PDE7B: variants seen among roughly 807,000 people sequenced by gnomAD.
The protein encoded by PDE7B is 3',5'-cyclic-AMP phosphodiesterase 7B.
A neutral mutation model predicts 56.2 loss-of-function variants in PDE7B; 29 were observed. The observed-to-expected ratio is 0.52, with a 90% confidence interval of 0.38 to 0.70. PDE7B has a LOEUF of 0.70. Among genes scored for constraint, PDE7B ranks in the 30% least tolerant of loss-of-function variants. The pLI is 0.00. For missense variants in PDE7B, 490 were observed against 565.0 expected (o/e 0.87, Z 1.35); for synonymous variants, 197 against 196.9 (o/e 1.00, Z 0.00).
chr6:135,874,633 G>T (rs1424997633), intron 1 of PDE7B, among the ~76,000 whole-genome samples: 4 of 152,140 alleles, frequency 2.6e-5, no homozygotes, highest in African/African-American at 9.6e-5. Context: ...TTTGAGGTTT[G>T]CTTTGTAGCT....
At chr6:135,903,199 G>A (rs1478697622) in intron 1 of PDE7B, among the ~76,000 whole-genome samples, 3 of 152,230 alleles carry the variant, frequency 2.0e-5, no homozygotes, top group East Asian at 1.9e-4. Flanking sequence ...ACCTAAACTG[G>A]CCCAAACACT....
chr6:135,936,422 T>C (rs1432694531), intron 1 of PDE7B, among the ~76,000 whole-genome samples: 1 of 152,162 alleles, frequency 6.6e-6, no homozygotes, highest in Non-Finnish European at 1.5e-5. Context: ...GCCTAAAGCT[T>C]GGACACATCG....
intron 3 of PDE7B, among the ~76,000 whole-genome samples, chr6:136,129,216 T>C (rs1188689720): frequency 3.3e-5 from 5 of 152,170 alleles, no homozygotes; most frequent in African/African-American, 9.7e-5. Context: ...TCAGAAATAG[T>C]TTCTTATTCC....
intron 8 of PDE7B, among the ~76,000 whole-genome samples, chr6:136,157,118 ATAAT>A (rs1330748133): frequency 6.6e-6 from 1 of 152,226 alleles, no homozygotes; most frequent in Non-Finnish European, 1.5e-5. Flanking sequence ...AAATAAACAG[ATAAT>A]TAATAGAACT....
At chr6:136,167,715 C>T (rs1778817580) in intron 8 of PDE7B, among the ~76,000 whole-genome samples, 1 of 152,148 alleles carries the variant, frequency 6.6e-6, no homozygotes, top group Admixed American at 6.5e-5. Flanking sequence ...TATCACAGTG[C>T]CTAGAACATA....
intron 2 of PDE7B, among the ~76,000 whole-genome samples, chr6:135,965,768 T>C (rs1774987776): frequency 6.6e-6 from 1 of 151,982 alleles, no homozygotes; most frequent in African/African-American, 2.4e-5. Flanking sequence ...GAGATTTGAG[T>C]GAAGACACAG....
intron 2 of PDE7B, among the ~76,000 whole-genome samples, chr6:135,955,010 T>C (rs771493663): frequency 2.6e-5 from 4 of 152,084 alleles, no homozygotes; most frequent in Non-Finnish European, 5.9e-5. Flanking sequence ...GATAGAAGTG[T>C]CAGTCTTGTA....
At chr6:136,173,273 CA>C (rs1197236868) in intron 8 of PDE7B, among the ~76,000 whole-genome samples, 1 of 152,106 alleles carries the variant, frequency 6.6e-6, no homozygotes, top group Non-Finnish European at 1.5e-5. Flanking sequence ...CTACAGTAAC[CA>C]AAACAGCATG....
In PDE7B at chr6:136,125,050, T is replaced by C. The variant is rs566483246; in HGVS notation, c.166+16236T>C. 1.3e-4 allele frequency among the ~76,000 whole-genome samples: 20 copies of C among 152,350 alleles called. 2 individuals are homozygous for C. The South Asian group carries it at 3.1e-3, about 24-fold the overall frequency. ...TGTCTTTTCTAAACAAAGAAAATTA[T>C]AGGGTGTGACTAGATCATCCTTTAT... On this transcript the variant is annotated intron_variant, in intron 3 of 12. Transcript: ENST00000308191.
Position 135,962,143 on chromosome 6 carries a change from A to T in PDE7B, c.82+14619A>T, listed in dbSNP as rs139907329. ...TTCCTCTCAATTTTGCCCTAAAAAA[A>T]CCAAAGACTTAAAAGACTTAAAAAA... is the stretch of plus-strand genomic sequence containing the variant. On this transcript the variant is annotated intron_variant, in intron 2 of 12. Transcript: ENST00000308191. 1.6e-3 allele frequency among the ~76,000 whole-genome samples: 240 copies of T among 152,328 alleles called. 1 individual carries two copies. The East Asian group carries it at 0.028, about 17-fold the overall frequency.
intron 3 of PDE7B, among the ~76,000 whole-genome samples, chr6:136,142,816 C>G (rs1487756712): frequency 6.6e-6 from 1 of 151,028 alleles, no homozygotes; most frequent in Non-Finnish European, 1.5e-5. Flanking sequence ...AGATCTTCCT[C>G]CATCCCTTTA....
chr6:136,150,846 C>T (rs1369159916), intron 5 of PDE7B, among the ~76,000 whole-genome samples: 3 of 96,684 alleles, frequency 3.1e-5, no homozygotes, highest in African/African-American at 7.2e-5. Context: ...AAAAAATACA[C>T]ATATACACAT....
At chr6:136,100,139 G>A (rs567724482) in intron 2 of PDE7B, among the ~76,000 whole-genome samples, 8 of 152,164 alleles carry the variant, frequency 5.3e-5, no homozygotes, top group Non-Finnish European at 2.9e-5. Context: ...CTATATATCT[G>A]TTTTAGTACC....
intron 2 of PDE7B, among the ~76,000 whole-genome samples, chr6:135,975,136 C>T (rs772346783): frequency 7.9e-5 from 12 of 151,470 alleles, no homozygotes; most frequent in East Asian, 3.9e-4. Flanking sequence ...CAACTCCAGT[C>T]GTTTTTTTTT....
intron 1 of PDE7B, among the ~76,000 whole-genome samples, chr6:135,875,531 A>C (rs919388528): frequency 1.3e-5 from 2 of 152,182 alleles, no homozygotes; most frequent in African/African-American, 4.8e-5. Context: ...ATTGTTATAT[A>C]TATCTGAGCT....
chr6:136,020,224 T>A (rs1468526510), intron 2 of PDE7B, among the ~76,000 whole-genome samples: 1 of 152,166 alleles, frequency 6.6e-6, no homozygotes, highest in African/African-American at 2.4e-5. Context: ...TTCAAATGGA[T>A]GTTTCTCGTG....
chr6:136,139,430 A>G (rs1397204595), intron 3 of PDE7B, among the ~76,000 whole-genome samples: 7 of 152,164 alleles, frequency 4.6e-5, no homozygotes, highest in Non-Finnish European at 8.8e-5. Flanking sequence ...CAGTAAACAT[A>G]CGTGTGCATG....
intron 1 of PDE7B, among the ~76,000 whole-genome samples, chr6:135,891,338 G>A (rs747464692): frequency 2.6e-5 from 4 of 152,180 alleles, no homozygotes; most frequent in African/African-American, 9.7e-5. Flanking sequence ...GTTGATGACT[G>A]CATATAAAAT....
intron 2 of PDE7B, among the ~76,000 whole-genome samples, chr6:135,968,226 C>T (rs1775032270): frequency 6.6e-6 from 1 of 152,070 alleles, no homozygotes; most frequent in African/African-American, 2.4e-5. Context: ...CTAGGCAATA[C>T]CATTCAGGAC....
Sources: allele counts gnomAD v4.1 joint callset (sites outside exome capture counted in the v4.1 genomes callset), GRCh38; gene constraint gnomAD v4.1.1; transcripts MANE v1.5; gene names NCBI Gene and HGNC (gene_info 2026-07-23, HGNC 2026-07-21).